ZNF43: variants seen among roughly 807,000 people sequenced by gnomAD.
ZNF43 encodes the protein zinc finger protein 39-like 1 (KOX 27).
Under a neutral mutation model 68.4 loss-of-function variants are expected in ZNF43, and 44 were observed. The ratio of observed to expected loss-of-function variants is 0.64; its 90% CI spans 0.51 to 0.83. The LOEUF is 0.83. ZNF43 is among the 40% of genes least tolerant of loss of function. The pLI, the probability that ZNF43 is intolerant of heterozygous loss-of-function variation, is 0.00. For synonymous variants in ZNF43, 308 were observed against 307.8 expected (o/e 1.00, Z -0.01); for missense variants, 896 against 933.2 (o/e 0.96, Z 0.52).
At chr19:21,851,767 C>T in intron 1 of ZNF43, 1 of 911,244 alleles carries the variant, frequency 1.1e-6, no homozygotes. Flanking sequence ...GCGGGCCCAG[C>T]CGCCATCTTG....
At position 21,808,619 on chromosome 19, in the gene ZNF43, T is replaced by C. The variant is rs753829937; in HGVS notation, c.1418A>G (p.Lys473Arg). 35 of 1,613,708 alleles carry C rather than the reference T, an allele frequency of 2.2e-5. No homozygotes were observed. The South Asian group carries it at 3.6e-4, about 17-fold the overall frequency. The change falls in exon 4 of 4, where the codon AAG becomes AGG. Residue 473 changes from lysine to arginine, a missense_variant. Physicochemically the swap from Lys to Arg is conservative, Grantham distance 26. Transcript: ENST00000354959. ...FNQFSNLTTH[K>R]RIHTAEKPYK... ...CGGTTTTTCTGCAGTATGAATTCTC[T>C]TATGTGTAGTAAGGTTTGAGAACTG... is the stretch of plus-strand genomic sequence containing the variant.
At chr19:21,843,454 A>C in intron 1 of ZNF43, 1 of 885,378 alleles carries the variant, frequency 1.1e-6, no homozygotes, top group Non-Finnish European at 1.4e-6. Flanking sequence ...GAATCCATGC[A>C]TAACAACCTC....
intron 1 of ZNF43, among the ~76,000 whole-genome samples, chr19:21,820,307 TG>T (rs2037758395): frequency 1.5e-5 from 1 of 68,298 alleles, no homozygotes; most frequent in African/African-American, 8.5e-5. Context: ...TGGCTGGGCA[TG>T]GTGGATCACA....
intron 1 of ZNF43, among the ~76,000 whole-genome samples, chr19:21,845,125 G>A (rs1967867076): frequency 6.6e-6 from 1 of 151,376 alleles, no homozygotes; most frequent in South Asian, 2.1e-4. Flanking sequence ...GATGGGCACG[G>A]GCAGCAAGTT....
chr19:21,813,023 G>A (rs2037353728), intron 3 of ZNF43, among the ~76,000 whole-genome samples: 2 of 151,532 alleles, frequency 1.3e-5, no homozygotes, highest in African/African-American at 2.4e-5. Flanking sequence ...TGGGCAGATC[G>A]CCTGAGGTCA....
At chr19:21,824,548 G>A (rs1409941832) in intron 1 of ZNF43, among the ~76,000 whole-genome samples, 3 of 152,004 alleles carry the variant, frequency 2.0e-5, no homozygotes, top group African/African-American at 7.2e-5. Flanking sequence ...CTAATTTTCT[G>A]TACATTCTCA....
Position 21,829,635 on chromosome 19 carries a change from CA to C in ZNF43, c.3+6400del, listed in dbSNP as rs201427198. Among the ~76,000 whole-genome samples, 671 of 152,014 alleles carry C rather than the reference CA, an allele frequency of 4.4e-3. 6 individuals carry two copies. Among genetic ancestry groups the C allele is most frequent in the African/African-American group, 0.015 (620 of 41,450 alleles). ...ATGATTTAAATATATTTCAAAAAAG[CA>C]ATAAAAATATCTCCATATAATCTAA... is the stretch of plus-strand genomic sequence containing the variant. On this transcript the variant is annotated intron_variant, in intron 1 of 3. Coordinates refer to ENST00000354959, the MANE Select transcript of ZNF43 (RefSeq NM_003423.4).
Position 21,808,551 on chromosome 19 carries a change from T to C in ZNF43, c.1486A>G (p.Asn496Asp), listed in dbSNP as rs1301865099. ...ECGKAFSRSS[N>D]LTKHKKIHIE... Reference sequence around the variant, plus strand: ...TGAATTTTCTTATGTTTAGTAAGGTTTGAGGACCGGCTAAAAGCTTTGCCA... The same window carrying C: ...TGAATTTTCTTATGTTTAGTAAGGTCTGAGGACCGGCTAAAAGCTTTGCCA... The change falls in exon 4 of 4, where the codon AAC becomes GAC. Residue 496 changes from asparagine (N) to aspartate (D), a missense_variant. Transcript: ENST00000354959. The C allele has an allele frequency of 6.2e-7, 1 of 1,613,350 alleles. No homozygotes were observed. Among genetic ancestry groups the C allele is most frequent in the Non-Finnish European group, 8.5e-7 (1 of 1,179,826 alleles).
upstream of ZNF43, chr19:21,837,709 G>A (rs930019734): frequency 1.3e-5 from 2 of 152,044 alleles, no homozygotes; most frequent in African/African-American, 4.8e-5. Context: ...CTGTTAGCCA[G>A]GATGTCTCCT....
chr19:21,828,713 G>C (rs140629586), intron 1 of ZNF43, among the ~76,000 whole-genome samples: 6 of 142,772 alleles, frequency 4.2e-5, no homozygotes, highest in Non-Finnish European at 9.1e-5. Context: ...GTGAAACTCC[G>C]TCTCAAAAAA....
chr19:21,836,015 A>G, intron 1 of ZNF43, 21 bp downstream of exon 1: 1 of 1,613,826 alleles, frequency 6.2e-7, no homozygotes, highest in Non-Finnish European at 8.5e-7. Context: ...CCCTCTCGGG[A>G]TGTCGGACCG....
intron 1 of ZNF43, among the ~76,000 whole-genome samples, chr19:21,847,264 C>A (rs1222404090): frequency 6.6e-6 from 1 of 152,000 alleles, no homozygotes; most frequent in Non-Finnish European, 1.5e-5. Flanking sequence ...TGGGAAGGGC[C>A]CAGGTAGGAG....
intron 1 of ZNF43, among the ~76,000 whole-genome samples, chr19:21,834,330 T>C (rs1489977174): frequency 8.6e-6 from 1 of 116,442 alleles, no homozygotes; most frequent in Non-Finnish European, 1.7e-5. Context: ...AAAGCAACAC[T>C]GTCTCAAAAA....
At chr19:21,829,956 A>T (rs973228123) in intron 1 of ZNF43, among the ~76,000 whole-genome samples, 15 of 152,282 alleles carry the variant, frequency 9.9e-5, no homozygotes, top group African/African-American at 3.4e-4. Context: ...AAAAAATGAT[A>T]AAAATATGGA....
chr19:21,827,224 C>G (rs2038178470), intron 1 of ZNF43: 1 of 152,176 alleles, frequency 6.6e-6, no homozygotes, highest in Admixed American at 6.6e-5. Flanking sequence ...CATCTCCTAG[C>G]CATTGGATGG....
At chr19:21,831,319 CT>C (rs1333199300) in intron 1 of ZNF43, among the ~76,000 whole-genome samples, 1 of 152,068 alleles carries the variant, frequency 6.6e-6, no homozygotes, top group East Asian at 1.9e-4. Context: ...GATTCTACAC[CT>C]AGAAAACCCT....
At chr19:21,819,370 T>C (rs2037688538) in intron 1 of ZNF43, 149 bp from the exon 2 acceptor site, 2 of 922,132 alleles carry the variant, frequency 2.2e-6, no homozygotes, top group African/African-American at 3.5e-5. Flanking sequence ...ATAAAATAAT[T>C]CTTTTCATGG....
intron 1 of ZNF43, among the ~76,000 whole-genome samples, chr19:21,824,743 A>G (rs961339711): frequency 2.0e-5 from 3 of 151,712 alleles, no homozygotes; most frequent in Admixed American, 2.0e-4. Context: ...AAAAAAAAAA[A>G]AAAAAAAAGA....
intron 1 of ZNF43, among the ~76,000 whole-genome samples, chr19:21,849,564 C>T (rs988913556): frequency 2.1e-5 from 3 of 146,286 alleles, no homozygotes; most frequent in South Asian, 4.4e-4. Flanking sequence ...AATCCCAACA[C>T]CTGGGGAGGC....
Sources: allele counts gnomAD v4.1 joint callset (sites outside exome capture counted in the v4.1 genomes callset), GRCh38; gene constraint gnomAD v4.1.1; transcripts MANE v1.5; gene names NCBI Gene and HGNC (gene_info 2026-07-23, HGNC 2026-07-21).